Variants in SOCS7 observed in about 807,000 individuals in gnomAD.
SOCS7 encodes NAP-4.
Under a neutral mutation model 58.9 loss-of-function variants are expected in SOCS7, and 18 were observed. The ratio of observed to expected loss-of-function variants is 0.31; its 90% confidence interval spans 0.21 to 0.45. The LOEUF is 0.45. Among genes scored for constraint, SOCS7 ranks in the 20% least tolerant of loss-of-function variants. The probability of loss-of-function intolerance (pLI) is 1.00; values close to 1 mark genes in which losing one functional copy is unlikely to be tolerated. For synonymous variants in SOCS7, 388 were observed against 364.3 expected (o/e 1.06, Z -0.74); for missense variants, 667 against 837.3 (o/e 0.80, Z 2.51).
In SOCS7 at chr17:38,365,342, T is replaced by C. The variant is rs1555568144; in HGVS notation, c.1185T>C (p.Leu395=). Residue 395 remains leucine, a synonymous_variant, in exon 4 of 10, where the codon CTT becomes CTC. Transcript: ENST00000612932. ...GTGGGACGCTGCCTACATCTGTCCT[T>C]GTGGCTCCGATGGGGTCTTCCTTGC... ...DISGTLPTSV[L]VAPMGSSLQS... 1.9e-6 allele frequency: 3 copies of C among 1,613,258 alleles called. No homozygotes were observed. Among genetic ancestry groups the C allele is most frequent in the Non-Finnish European group, 8.5e-7 (1 of 1,179,586 alleles).
At chr17:38,364,893 G>A (rs771337092) in intron 3 of SOCS7, 37 bp downstream of exon 3, 1 of 1,512,358 alleles carries the variant, frequency 6.6e-7, no homozygotes, top group Non-Finnish European at 9.2e-7. Context: ...CTTGCCTAGT[G>A]GGAGGGTGAG....
intron 9 of SOCS7, among the ~76,000 whole-genome samples, chr17:38,396,607 C>T (rs2038248277): frequency 1.3e-5 from 2 of 152,212 alleles, no homozygotes; most frequent in Non-Finnish European, 2.9e-5. Context: ...AGGCTCTTCT[C>T]CCATCATTAC....
chr17:38,399,096 A>AG (rs2038283815), intron 9 of SOCS7, among the ~76,000 whole-genome samples: 1 of 151,826 alleles, frequency 6.6e-6, no homozygotes, highest in East Asian at 1.9e-4. Flanking sequence ...TCAAAAAAAA[A>AG]AAAAAAAAAG....
At chr17:38,375,028 A>G (rs1334154815) in intron 6 of SOCS7, among the ~76,000 whole-genome samples, 1 of 152,140 alleles carries the variant, frequency 6.6e-6, no homozygotes, top group Non-Finnish European at 1.5e-5. Context: ...AGGCCAAGGC[A>G]GGAGGATCAC....
chr17:38,378,078 C>G (rs2037954614), intron 7 of SOCS7, among the ~76,000 whole-genome samples: 1 of 152,316 alleles, frequency 6.6e-6, no homozygotes, highest in East Asian at 1.9e-4. Flanking sequence ...CTGCTTCCAC[C>G]TCTGATGTCC....
At chr17:38,373,858 G>A (rs2037898135) in intron 6 of SOCS7, among the ~76,000 whole-genome samples, 1 of 152,214 alleles carries the variant, frequency 6.6e-6, no homozygotes, top group Admixed American at 6.5e-5. Flanking sequence ...CTATGCAAAG[G>A]ATTTTAAGTG....
At chr17:38,380,574 T>A (rs184659874) in intron 7 of SOCS7, among the ~76,000 whole-genome samples, 1 of 150,490 alleles carries the variant, frequency 6.6e-6, no homozygotes, top group African/African-American at 2.5e-5. Context: ...GAGGTTGCAG[T>A]GAGCTGAGAT....
rs189924642 is a variant in SOCS7, at chr17:38,366,236, G to T, written c.1253-51G>T. The T allele has an allele frequency of 4.4e-5, 71 of 1,598,560 alleles. No individual in the cohort carries two copies. The East Asian group carries it at 9.2e-4, about 21-fold the overall frequency. ...TGTTTTTGGGGGAGGGTCTATTTGT[G>T]GTTGGGAGCAGTGAGGGTAAACAAG... On this transcript the variant is annotated intron_variant, in intron 4 of 9. Transcript: ENST00000612932.
rs587642481 is a variant in SOCS7, at chr17:38,360,949, T to A, written c.981-762T>A. ...TCTTTGTTGGAGTCTTTTGAGTTTCTTTCATTTCTTGCTGAAAAGCCACTT... is the reference window on the plus strand; with the variant it reads ...TCTTTGTTGGAGTCTTTTGAGTTTCATTCATTTCTTGCTGAAAAGCCACTT... On this transcript the variant is annotated intron_variant, in intron 1 of 9. Coordinates refer to ENST00000612932, the MANE Select transcript of SOCS7 (RefSeq NM_014598.4). Among the ~76,000 whole-genome samples, 277 of 151,478 alleles carry A rather than the reference T, an allele frequency of 1.8e-3. 1 individual carries two copies. The highest frequency in any genetic ancestry group is 6.8e-3 in the Middle Eastern group (2 of 294).
At chr17:38,361,832 T>C (rs1447112899) in intron 2 of SOCS7, 57 bp downstream of exon 2, 2 of 1,287,842 alleles carry the variant, frequency 1.6e-6, no homozygotes, top group Admixed American at 4.1e-5. Flanking sequence ...TTCTGAGACC[T>C]GTTGGGAAAC....
At chr17:38,393,959 T>C (rs1449999611) in intron 7 of SOCS7, among the ~76,000 whole-genome samples, 2 of 152,246 alleles carry the variant, frequency 1.3e-5, no homozygotes, top group Admixed American at 6.5e-5. Context: ...ATAGTAGATA[T>C]TTTATTTTCC....
chr17:38,352,510 C>T lies in SOCS7; in HGVS notation c.458C>T (p.Pro153Leu). The T allele has an allele frequency of 6.5e-7, 1 of 1,544,074 alleles. No homozygotes were observed. Among genetic ancestry groups the T allele is most frequent in the Middle Eastern group, 1.7e-4 (1 of 5,776 alleles). Reference sequence around the variant, plus strand: ...TGCCCGTGTCCGTGTCCTCCTCAGCCGCCCCCTCCGCAGCCCCAGCCGCCT... The same window carrying T: ...TGCCCGTGTCCGTGTCCTCCTCAGCTGCCCCCTCCGCAGCCCCAGCCGCCT... Reference protein sequence around the residue: ...GCCPCPCPPQPPPPQPQPPAA... With the variant: ...GCCPCPCPPQLPPPQPQPPAA... Residue 153 changes from proline to leucine, a missense_variant, in exon 1 of 10, where the codon CCG (proline) becomes CTG (leucine). This residue lies in a region of SOCS7 where 154 missense variants were observed against 156.3 expected (regional missense o/e 0.98). Transcript: ENST00000612932. This position sits in a 1 kb window ranked among gnomAD's most constrained non-coding sequence, Gnocchi z 5.5.
At chr17:38,386,367 C>T (rs1368065496) in intron 7 of SOCS7, among the ~76,000 whole-genome samples, 1 of 147,438 alleles carries the variant, frequency 6.8e-6, no homozygotes, top group Non-Finnish European at 1.5e-5. Flanking sequence ...GTGGCCGAGG[C>T]AGGGTAATCG....
Position 38,399,844 on chromosome 17 carries a change from G to A in SOCS7, c.*362G>A, listed in dbSNP as rs922742979. On this transcript the variant is annotated 3_prime_UTR_variant, in exon 10 of 10. Coordinates refer to ENST00000612932, the MANE Select transcript of SOCS7 (RefSeq NM_014598.4). ...AGTTGGGGTTTGTGCCCGTTGGATTGAAAGTGGTGCGAAGGGTGAGCAGGT... is the reference window on the plus strand; with the variant it reads ...AGTTGGGGTTTGTGCCCGTTGGATTAAAAGTGGTGCGAAGGGTGAGCAGGT... 1.3e-5 allele frequency: 2 copies of A among 152,462 alleles called. No homozygotes were observed. The highest frequency in any genetic ancestry group is 4.8e-5 in the African/African-American group (2 of 41,464). The allele number at this position is 152,462 out of a possible 1,614,324, so 9.4% of individuals were successfully genotyped here.
intron 7 of SOCS7, among the ~76,000 whole-genome samples, chr17:38,394,126 G>A (rs548034566): frequency 6.6e-6 from 1 of 152,138 alleles, no homozygotes; most frequent in African/African-American, 2.4e-5. Flanking sequence ...GAATCCCAGT[G>A]TTCCTGCCAT....
At chr17:38,358,614 T>C (rs1555567162) in intron 1 of SOCS7, among the ~76,000 whole-genome samples, 1 of 151,664 alleles carries the variant, frequency 6.6e-6, no homozygotes, top group East Asian at 1.9e-4. Context: ...TCTAGATTGG[T>C]TTTTTCATGA....
intron 1 of SOCS7, among the ~76,000 whole-genome samples, chr17:38,353,815 A>C (rs772907037): frequency 1.3e-5 from 2 of 152,128 alleles, no homozygotes; most frequent in Non-Finnish European, 2.9e-5. Context: ...GGTCCCAGCT[A>C]CTCGGGAGGC....
rs1437990222 is a variant in SOCS7 at position 38,352,975 on chromosome 17, C to T, written c.923C>T (p.Ser308Leu). 1.2e-6 allele frequency: 2 copies of T among 1,606,626 alleles called. No homozygotes were observed. The highest frequency in any genetic ancestry group is 2.2e-5 in the East Asian group (1 of 44,726). ...GKRPSGELAA[S>L]AASLTDMGGS... ...AGGCCTTCTGGAGAGCTGGCTGCTT[C>T]AGCTGCGAGCCTGACAGACATGGGA... The change falls in exon 1 of 10, where the codon TCA becomes TTA. Residue 308 changes from serine to leucine, a missense_variant. Ser to Leu is a moderately radical substitution (Grantham distance 145). This residue lies in a region of SOCS7 where 208 missense variants were observed against 190.3 expected (regional missense o/e 1.09). Coordinates refer to ENST00000612932, the MANE Select transcript of SOCS7 (RefSeq NM_014598.4). The surrounding 1 kb of genome is among the most constrained non-coding windows in gnomAD (Gnocchi z 5.5).
rs1490295792 is a variant in SOCS7 at position 38,396,146 on chromosome 17, G to A, written c.*30+148G>A. On this transcript the variant is annotated intron_variant, in intron 9 of 9. Transcript: ENST00000612932. ...CATAGAATGACAAGATCTGACCGTG[G>A]AGTCCTCAAGGGGCACACACCCCAT... 6.4e-6 allele frequency: 4 copies of A among 626,168 alleles called. No individual in the cohort carries two copies. In the African/African-American group the frequency reaches 7.6e-5, roughly 12 times the overall value. 38.8% of individuals were successfully genotyped at this position (626,168 alleles called of 1,614,324 possible).
Sources: gnomAD v4.1 joint callset for allele counts (sites outside exome capture counted in the v4.1 genomes callset) on GRCh38, gnomAD v4.1.1 for gene constraint, gnomAD v4.1.1 regional missense constraint, Gnocchi (gnomAD v3.1) non-coding constraint, MANE v1.5 for transcripts, NCBI Gene and HGNC (gene_info 2026-07-23, HGNC 2026-07-21) for gene names.